Variants in ALX1 observed in about 807,000 individuals in gnomAD.
ALX1 encodes the protein ALX homeobox 1, also known as ALX homeobox protein 1.
Under a neutral mutation model 31.7 loss-of-function variants are expected in ALX1, and 19 were observed. The ratio of observed to expected loss-of-function variants is 0.60; its 90% CI spans 0.42 to 0.88. The LOEUF is 0.88. Ranked by LOEUF, ALX1 falls within the 40% of genes least tolerant of loss-of-function variation. ALX1 has a pLI of 0.00. For synonymous variants in ALX1, 153 were observed against 148.8 expected, an observed-to-expected ratio of 1.03 and a Z score of -0.20; for missense variants, 415 against 407.8, an observed-to-expected ratio of 1.02 and a Z score of -0.15.
chr12:85,289,232 A>G (rs1896786461), intron 3 of ALX1, among the ~76,000 whole-genome samples: 1 of 151,268 alleles, frequency 6.6e-6, no homozygotes, highest in African/African-American at 2.4e-5. Context: ...AGGGTAAAGC[A>G]TTCAGAATAG....
At chr12:85,285,777 C>T (rs1013502592) in intron 2 of ALX1, among the ~76,000 whole-genome samples, 2 of 151,754 alleles carry the variant, frequency 1.3e-5, no homozygotes, top group African/African-American at 4.8e-5. Flanking sequence ...ATTTTATATT[C>T]TGAACATAAT....
chr12:85,298,606 T>G (rs998954245), intron 3 of ALX1, among the ~76,000 whole-genome samples: 7 of 151,548 alleles, frequency 4.6e-5, no homozygotes, highest in Non-Finnish European at 8.9e-5. Context: ...GGGGAAGAAA[T>G]AGATATTTTG....
At chr12:85,294,587 T>C (rs1896862245) in intron 3 of ALX1, among the ~76,000 whole-genome samples, 1 of 151,192 alleles carries the variant, frequency 6.6e-6, no homozygotes, top group Non-Finnish European at 1.5e-5. Context: ...TGGAGCATTT[T>C]TCAAATATTA....
chr12:85,288,879 C>T (rs1245913758), intron 3 of ALX1, among the ~76,000 whole-genome samples: 3 of 151,248 alleles, frequency 2.0e-5, no homozygotes, highest in African/African-American at 7.3e-5. Context: ...GCTTTAGTGT[C>T]AGGAGCCACA....
intron 3 of ALX1, among the ~76,000 whole-genome samples, chr12:85,295,060 A>G (rs1896869503): frequency 6.6e-6 from 1 of 151,348 alleles, no homozygotes; most frequent in African/African-American, 2.4e-5. Flanking sequence ...ACACTGATGA[A>G]AATGTGCCCT....
intron 3 of ALX1, among the ~76,000 whole-genome samples, chr12:85,293,278 T>C (rs1443843818): frequency 1.3e-5 from 2 of 150,096 alleles, no homozygotes; most frequent in Non-Finnish European, 3.0e-5. Context: ...TATATATATA[T>C]AAGTTATGTG....
intron 3 of ALX1, among the ~76,000 whole-genome samples, chr12:85,291,158 C>T (rs932678592): frequency 4.6e-5 from 7 of 151,004 alleles, no homozygotes. Flanking sequence ...CAATTTCTTC[C>T]TCTGTTCAAA....
At chr12:85,290,496 A>G (rs1420514518) in intron 3 of ALX1, among the ~76,000 whole-genome samples, 1 of 151,236 alleles carries the variant, frequency 6.6e-6, no homozygotes, top group Non-Finnish European at 1.5e-5. Flanking sequence ...AAAAGCCTAA[A>G]CACCTCATTG....
At chr12:85,289,642 C>A (rs905054507) in intron 3 of ALX1, among the ~76,000 whole-genome samples, 13 of 151,062 alleles carry the variant, frequency 8.6e-5, no homozygotes, top group African/African-American at 3.1e-4. Flanking sequence ...AAAATTAATA[C>A]CATGAAGTCC....
At chr12:85,284,016 A>G in intron 2 of ALX1, 140 bp downstream of exon 2, 1 of 936,382 alleles carries the variant, frequency 1.1e-6, no homozygotes, top group Non-Finnish European at 1.6e-6. Flanking sequence ...ATATGAATAT[A>G]TGTCTACTAA....
intron 3 of ALX1, among the ~76,000 whole-genome samples, chr12:85,295,794 G>A (rs189410615): frequency 1.4e-3 from 206 of 151,524 alleles, no homozygotes; most frequent in African/African-American, 4.7e-3. Context: ...GGAGATAGGA[G>A]CACTCTATAT....
rs574596094 is a variant in ALX1 at position 85,289,154 on chromosome 12, T to C, written c.660+2173T>C. Among the ~76,000 whole-genome samples, 54 of 151,392 alleles carry C rather than the reference T, an allele frequency of 3.6e-4. No individual in the cohort carries two copies. In the South Asian group the frequency reaches 0.01, roughly 29 times the overall value. ...GTCCCTGTACGTTGGTTGTTTTATA[T>C]TTGACTCTTCTTGCTTCTTTGATAA... On this transcript the variant is annotated intron_variant, in intron 3 of 3. Transcript: ENST00000316824.
intron 3 of ALX1, 82 bp downstream of exon 3, chr12:85,287,063 T>A: frequency 2.7e-6 from 4 of 1,503,232 alleles, no homozygotes; most frequent in Non-Finnish European, 3.7e-6. Flanking sequence ...TAGGCTTTAT[T>A]ATATGTAAGA....
chr12:85,284,976 A>T (rs1397784835), intron 2 of ALX1, among the ~76,000 whole-genome samples: 2 of 152,014 alleles, frequency 1.3e-5, no homozygotes, highest in Non-Finnish European at 2.9e-5. Flanking sequence ...CAAGCAGCAG[A>T]TTTTTACTTG....
At chr12:85,298,831 A>G (rs1295987951) in intron 3 of ALX1, among the ~76,000 whole-genome samples, 1 of 151,816 alleles carries the variant, frequency 6.6e-6, no homozygotes, top group East Asian at 1.9e-4. Flanking sequence ...ATGTCCAGAT[A>G]AGAAGTTTTG....
chr12:85,283,472 A>G (rs961615861), intron 1 of ALX1, 100 bp from the exon 2 acceptor site: 31 of 1,205,480 alleles, frequency 2.6e-5, no homozygotes, highest in Non-Finnish European at 3.5e-5. Context: ...AATTATTAAT[A>G]GGCCAATTTC....
At chr12:85,299,420 A>G (rs1896933008) in intron 3 of ALX1, among the ~76,000 whole-genome samples, 1 of 151,578 alleles carries the variant, frequency 6.6e-6, no homozygotes, top group South Asian at 2.1e-4. Flanking sequence ...ATAGCCTGAG[A>G]CAATTTAAGG....
chr12:85,293,509 A>G (rs1896846707), intron 3 of ALX1, among the ~76,000 whole-genome samples: 1 of 150,968 alleles, frequency 6.6e-6, no homozygotes, highest in African/African-American at 2.4e-5. Context: ...GGCAAAGAAT[A>G]TCCTCCAAAA....
intron 3 of ALX1, among the ~76,000 whole-genome samples, chr12:85,299,903 T>A (rs867486885): frequency 3.4e-4 from 52 of 152,098 alleles, no homozygotes; most frequent in African/African-American, 1.1e-3. Flanking sequence ...ATGATTCTAC[T>A]CTTACATCAT....
Sources: allele counts gnomAD v4.1 joint callset (sites outside exome capture counted in the v4.1 genomes callset), GRCh38; gene constraint gnomAD v4.1.1; transcripts MANE v1.5; gene names NCBI Gene and HGNC (gene_info 2026-07-23, HGNC 2026-07-21).